Variants in DENND5B observed in about 807,000 individuals in gnomAD.
DENND5B encodes the protein DENN domain containing 5B, also known as DENN domain-containing protein 5B.
DENND5B carries 34 observed loss-of-function variants against 140.6 expected under a neutral mutation model. That is an observed-to-expected ratio of 0.24 (90% CI 0.18 to 0.32). The LOEUF (loss-of-function observed/expected upper bound fraction) is 0.32. Ranked by LOEUF, DENND5B falls within the 10% of genes least tolerant of loss-of-function variation. The probability of loss-of-function intolerance (pLI) is 1.00; values close to 1 mark genes in which losing one functional copy is unlikely to be tolerated. For synonymous variants in DENND5B, 551 were observed against 562.1 expected (o/e 0.98, Z 0.28); for missense variants, 1,142 against 1,560.2 (o/e 0.73, Z 4.52).
chr12:31,429,115 G>A (rs927802120), intron 8 of DENND5B, among the ~76,000 whole-genome samples: 1 of 150,458 alleles, frequency 6.6e-6, no homozygotes, highest in African/African-American at 2.5e-5. Flanking sequence ...CCTGTGATCC[G>A]CCCACCTCGG....
At chr12:31,447,362 G>A (rs749623539) in intron 6 of DENND5B, among the ~76,000 whole-genome samples, 176 bp downstream of exon 6, 19 of 152,092 alleles carry the variant, frequency 1.2e-4, no homozygotes, top group African/African-American at 1.9e-4. Context: ...GAAGAGGAAC[G>A]TCAAGTAGGA....
chr12:31,415,871 T>C (rs183760027), intron 11 of DENND5B, among the ~76,000 whole-genome samples: 1 of 152,202 alleles, frequency 6.6e-6, no homozygotes, highest in Non-Finnish European at 1.5e-5. Context: ...GTTTCGCTCT[T>C]GTTCTCTAGG....
chr12:31,578,144 A>AC (rs1950086697), intron 1 of DENND5B, among the ~76,000 whole-genome samples: 1 of 151,646 alleles, frequency 6.6e-6, no homozygotes, highest in Middle Eastern at 3.4e-3. Context: ...AAAAAAAAAA[A>AC]AAAAAAACTA....
chr12:31,424,471 C>T, intron 10 of DENND5B, 64 bp downstream of exon 10: 1 of 1,486,878 alleles, frequency 6.7e-7, no homozygotes, highest in African/African-American at 1.4e-5. Context: ...TATTTGTCTC[C>T]TTGTTACATT....
intron 1 of DENND5B, among the ~76,000 whole-genome samples, chr12:31,587,378 CTTTG>C (rs1950428847): frequency 6.6e-6 from 1 of 152,094 alleles, no homozygotes. Context: ...TTGATCACTT[CTTTG>C]AATATGACTA....
At chr12:31,568,040 A>G (rs1949689844) in intron 1 of DENND5B, among the ~76,000 whole-genome samples, 2 of 152,276 alleles carry the variant, frequency 1.3e-5, no homozygotes, top group Admixed American at 6.5e-5. Flanking sequence ...TTTATAGTCT[A>G]GCATTCAACA....
chr12:31,522,173 T>C (rs769625438), intron 1 of DENND5B, among the ~76,000 whole-genome samples: 1 of 152,090 alleles, frequency 6.6e-6, no homozygotes, highest in Non-Finnish European at 1.5e-5. Context: ...TCAGTGAAAA[T>C]TTCCCCATCT....
chr12:31,467,337 A>C (rs1306134799), intron 3 of DENND5B, among the ~76,000 whole-genome samples: 1 of 152,134 alleles, frequency 6.6e-6, no homozygotes, highest in Non-Finnish European at 1.5e-5. Flanking sequence ...AAAAAATAAT[A>C]ACTGAGGCTG....
At position 31,442,919 on chromosome 12, in the gene DENND5B, G is replaced by A. The variant is rs757728833; in HGVS notation, c.1868C>T (p.Ser623Leu). 1.8e-5 allele frequency: 28 copies of A among 1,563,786 alleles called. No homozygotes were observed. The highest frequency in any genetic ancestry group is 2.4e-5 in the Non-Finnish European group (28 of 1,154,146). The change falls in exon 7 of 21, where the codon TCA becomes TTA. Residue 623 changes from serine to leucine, a missense_variant. Coordinates refer to ENST00000389082, the MANE Select transcript of DENND5B (RefSeq NM_144973.4). The part of the protein sequence containing the change: ...KCSTLKEAAQ[S>L]IEQRLMKMDH... ...CATTTTCATCAGTCTCTGCTCAATT[G>A]ATTGGGCTATAAATTAAATTTATAA...
At chr12:31,553,297 T>C (rs896068076) in intron 1 of DENND5B, among the ~76,000 whole-genome samples, 1 of 152,226 alleles carries the variant, frequency 6.6e-6, no homozygotes, top group Non-Finnish European at 1.5e-5. Context: ...AACATCTTTA[T>C]TTCTGCCTTC....
chr12:31,540,604 A>G (rs1332852331), intron 1 of DENND5B, among the ~76,000 whole-genome samples: 4 of 152,062 alleles, frequency 2.6e-5, no homozygotes, highest in African/African-American at 9.7e-5. Flanking sequence ...TAGTGAGCCA[A>G]GACTGTGCCA....
In DENND5B at chr12:31,445,402, A is replaced by T. The variant is rs1024019674; in HGVS notation, c.1861+2136T>A. On this transcript the variant is annotated intron_variant, in intron 6 of 20. Transcript: ENST00000389082. ...GTAAAATGAGGGCAGTAATAAAACA[A>T]AATAAAAATAAGTATTCCAGGCCAG... Among the ~76,000 whole-genome samples, 4 of 152,156 alleles carry T rather than the reference A, an allele frequency of 2.6e-5. No individual in the cohort carries two copies. In the East Asian group the frequency reaches 7.7e-4, roughly 29 times the overall value.
At chr12:31,574,307 AG>A (rs1419182610) in intron 1 of DENND5B, among the ~76,000 whole-genome samples, 1 of 139,438 alleles carries the variant, frequency 7.2e-6, no homozygotes, top group Non-Finnish European at 1.6e-5. Flanking sequence ...TTTAAAAGGG[AG>A]GTGGCCAGGC....
Position 31,384,269 on chromosome 12 carries a change from T to A in DENND5B, c.*3334A>T, listed in dbSNP as rs1314191871. The A allele has an allele frequency of 2.0e-5, 3 of 152,192 alleles. No individual in the cohort carries two copies. The highest frequency in any genetic ancestry group is 4.4e-5 in the Non-Finnish European group (3 of 68,054). 9.4% of individuals were successfully genotyped at this position (152,192 alleles called of 1,614,324 possible). ...AACTCCTGGGTTGAAGTGATCCTCC[T>A]GCCTTGGCTTCCCAAGCAGCTGGGA... On this transcript the variant is annotated 3_prime_UTR_variant, in exon 21 of 21. Transcript: ENST00000389082.
At chr12:31,455,305 A>T (rs967711465) in intron 4 of DENND5B, among the ~76,000 whole-genome samples, 1 of 152,140 alleles carries the variant, frequency 6.6e-6, no homozygotes, top group Admixed American at 6.5e-5. Context: ...TTTAAAGCTT[A>T]TTATGGTCAT....
intron 1 of DENND5B, among the ~76,000 whole-genome samples, chr12:31,498,669 C>A (rs1946879602): frequency 6.6e-6 from 1 of 151,976 alleles, no homozygotes. Flanking sequence ...ATTCTGATAT[C>A]ACTGTTAAGA....
intron 1 of DENND5B, among the ~76,000 whole-genome samples, chr12:31,527,471 A>G (rs1345052978): frequency 1.3e-5 from 2 of 152,148 alleles, no homozygotes; most frequent in African/African-American, 4.8e-5. Context: ...AAACAGAGGA[A>G]TGCTGCGCTT....
intron 9 of DENND5B, among the ~76,000 whole-genome samples, chr12:31,425,078 C>A (rs900272856): frequency 1.3e-5 from 2 of 152,006 alleles, no homozygotes; most frequent in Admixed American, 6.6e-5. Flanking sequence ...TTTGGGAGGC[C>A]CAGGCAAGTG....
Position 31,384,353 on chromosome 12 carries a change from T to A in DENND5B, c.*3250A>T, listed in dbSNP as rs553974878. ...TATTTCTTTATAACTGCACTTCTTATGTGACCCCAAACTCAGCTTAAGCAT... is the reference window on the plus strand; with the variant it reads ...TATTTCTTTATAACTGCACTTCTTAAGTGACCCCAAACTCAGCTTAAGCAT... On this transcript the variant is annotated 3_prime_UTR_variant, in exon 21 of 21. Coordinates refer to ENST00000389082, the MANE Select transcript of DENND5B (RefSeq NM_144973.4). 6.6e-6 allele frequency: 1 copy of A among 152,212 alleles called. No individual in the cohort carries two copies. Among genetic ancestry groups the A allele is most frequent in the Admixed American group, 6.6e-5 (1 of 15,266 alleles). 9.4% of individuals were successfully genotyped at this position (152,212 alleles called of 1,614,324 possible). A position where few individuals can be genotyped will look rare whatever the true frequency, so the allele number is the denominator to read the frequency against.
Sources: gnomAD v4.1 joint callset for allele counts (sites outside exome capture counted in the v4.1 genomes callset) on GRCh38, gnomAD v4.1.1 for gene constraint, MANE v1.5 for transcripts, NCBI Gene and HGNC (gene_info 2026-07-23, HGNC 2026-07-21) for gene names.